The following TMCC1 variants were observed in gnomAD, a reference collection of about 807,000 sequenced individuals.
TMCC1 encodes the protein transmembrane and coiled-coil domains protein 1.
In TMCC1, 15 loss-of-function variants were observed where a neutral mutation model predicts 52.4. The ratio of observed to expected loss-of-function variants is 0.29; its 90% CI spans 0.19 to 0.44. The LOEUF is 0.44. TMCC1 is among the 20% of genes least tolerant of loss of function. The pLI, the probability that TMCC1 is intolerant of heterozygous loss-of-function variation, is 1.00. For synonymous variants in TMCC1, 279 were observed against 301.9 expected, an observed-to-expected ratio of 0.92 and a Z score of 0.79; for missense variants, 503 against 806.0, an observed-to-expected ratio of 0.62 and a Z score of 4.55.
chr3:129,871,280 AC>A (rs2060916000), intron 2 of TMCC1, among the ~76,000 whole-genome samples: 1 of 150,296 alleles, frequency 6.7e-6, no homozygotes, highest in African/African-American at 2.5e-5. Context: ...AATTGCTTGA[AC>A]CCAGGAAGTG....
intron 4 of TMCC1, among the ~76,000 whole-genome samples, chr3:129,804,330 T>C (rs1456070193): frequency 2.2e-4 from 34 of 152,188 alleles, no homozygotes; most frequent in Admixed American, 2.2e-3. Flanking sequence ...CATAGCTACA[T>C]TTTTTTGTGC....
At chr3:129,790,683 C>T (rs2056392295) in intron 4 of TMCC1, among the ~76,000 whole-genome samples, 2 of 152,154 alleles carry the variant, frequency 1.3e-5, no homozygotes, top group Non-Finnish European at 2.9e-5. Context: ...GAATGTCTAA[C>T]TCACTGTATT....
Position 129,796,776 on chromosome 3 carries a change from C to T in TMCC1, c.576+31027G>A, listed in dbSNP as rs78681407. ...GGATTGCCTGAGTTCAGGAATTTGA[C>T]GCTGCAGTGAGGCATGATGCTCCAG... On this transcript the variant is annotated intron_variant, in intron 4 of 6. Coordinates refer to ENST00000393238, the MANE Select transcript of TMCC1 (RefSeq NM_001017395.5). Among the ~76,000 whole-genome samples the T allele has an allele frequency of 2.8e-4, 42 of 152,282 alleles. No individual in the cohort carries two copies. The Middle Eastern group carries it at 0.01, about 37-fold the overall frequency.
At chr3:129,691,430 C>T (rs147464183) in intron 4 of TMCC1, among the ~76,000 whole-genome samples, 30 of 151,400 alleles carry the variant, frequency 2.0e-4, no homozygotes, top group African/African-American at 6.5e-4. Context: ...ACTTTTGACC[C>T]GTGGCTAAAA....
At chr3:129,776,960 C>T (rs2055087891) in intron 4 of TMCC1, among the ~76,000 whole-genome samples, 1 of 152,140 alleles carries the variant, frequency 6.6e-6, no homozygotes, top group African/African-American at 2.4e-5. Context: ...AAAAAGGCAG[C>T]TTGGCATTAA....
At chr3:129,865,271 C>G (rs2060570452) in intron 2 of TMCC1, among the ~76,000 whole-genome samples, 2 of 152,054 alleles carry the variant, frequency 1.3e-5, no homozygotes, top group Admixed American at 1.3e-4. Flanking sequence ...AAGAGATCTT[C>G]CCACCTCAGC....
chr3:129,889,530 G>A (rs868780214), intron 1 of TMCC1, among the ~76,000 whole-genome samples: 2 of 152,312 alleles, frequency 1.3e-5, no homozygotes, highest in Non-Finnish European at 1.5e-5. Context: ...TCACAGGGAT[G>A]TAAGACGTTA....
intron 1 of TMCC1, among the ~76,000 whole-genome samples, chr3:129,887,660 C>T (rs2061778195): frequency 6.6e-6 from 1 of 151,584 alleles, no homozygotes; most frequent in Admixed American, 6.6e-5. Context: ...CTCAAAAACA[C>T]TTTTTAAAAT....
intron 5 of TMCC1, among the ~76,000 whole-genome samples, chr3:129,668,284 T>C (rs2087634610): frequency 1.3e-5 from 2 of 152,244 alleles, no homozygotes; most frequent in Admixed American, 1.3e-4. Flanking sequence ...CTTCATGTTC[T>C]AAGTGGGGTT....
At chr3:129,810,879 T>C (rs1381947722) in intron 4 of TMCC1, among the ~76,000 whole-genome samples, 3 of 152,242 alleles carry the variant, frequency 2.0e-5, no homozygotes, top group Non-Finnish European at 4.4e-5. Context: ...TGTATAGCTG[T>C]GTCTTGAACA....
At chr3:129,818,025 G>A (rs1278272570) in intron 4 of TMCC1, among the ~76,000 whole-genome samples, 8 of 152,054 alleles carry the variant, frequency 5.3e-5, no homozygotes, top group Non-Finnish European at 1.2e-4. Context: ...GGCCAGGCTG[G>A]TCTCAAACTC....
intron 4 of TMCC1, among the ~76,000 whole-genome samples, chr3:129,722,306 T>C (rs1322448809): frequency 6.6e-6 from 1 of 152,106 alleles, no homozygotes; most frequent in East Asian, 1.9e-4. Flanking sequence ...TTGCGAGGGA[T>C]CTAGGTTGCA....
intron 4 of TMCC1, among the ~76,000 whole-genome samples, chr3:129,783,000 CTTAAT>C (rs1179771305): frequency 1.3e-5 from 2 of 152,142 alleles, no homozygotes; most frequent in African/African-American, 2.4e-5. Context: ...AGCCTTTTGA[CTTAAT>C]TTGAGTAACA....
At chr3:129,711,020 T>C (rs560309655) in intron 4 of TMCC1, among the ~76,000 whole-genome samples, 48 of 152,230 alleles carry the variant, frequency 3.2e-4, no homozygotes, top group African/African-American at 1.1e-3. Context: ...CCTGCCACCA[T>C]GCCCGGCTAA....
intron 1 of TMCC1, among the ~76,000 whole-genome samples, chr3:129,883,130 AACACACACACAC>A (rs59492665): frequency 4.6e-4 from 68 of 146,792 alleles, no homozygotes; most frequent in African/African-American, 1.4e-3. Context: ...CTCTACTAAA[AACACACACACAC>A]ACACACACAC....
intron 2 of TMCC1, among the ~76,000 whole-genome samples, chr3:129,849,241 T>C (rs2059800535): frequency 1.3e-5 from 2 of 152,060 alleles, no homozygotes; most frequent in African/African-American, 4.8e-5. Context: ...GGTGGGCAGA[T>C]CACCTGAGGT....
chr3:129,791,217 C>T (rs1459174950), intron 4 of TMCC1, among the ~76,000 whole-genome samples: 6 of 151,746 alleles, frequency 4.0e-5, no homozygotes, highest in South Asian at 4.2e-4. Context: ...CCTCAGCCTC[C>T]TGAGTAGGTG....
intron 1 of TMCC1, among the ~76,000 whole-genome samples, chr3:129,887,148 C>T (rs1460413069): frequency 6.6e-6 from 1 of 151,884 alleles, no homozygotes; most frequent in Non-Finnish European, 1.5e-5. Flanking sequence ...GCACATGTTA[C>T]ACTGTGAATG....
intron 4 of TMCC1, among the ~76,000 whole-genome samples, chr3:129,718,186 C>A (rs1270267880): frequency 1.3e-5 from 2 of 152,130 alleles, no homozygotes; most frequent in Non-Finnish European, 2.9e-5. Flanking sequence ...TTAATTCTAT[C>A]AAAATTTATA....
Sources: allele counts gnomAD v4.1 joint callset (sites outside exome capture counted in the v4.1 genomes callset), GRCh38; gene constraint gnomAD v4.1.1; transcripts MANE v1.5; gene names NCBI Gene and HGNC (gene_info 2026-07-23, HGNC 2026-07-21).